Variants in ANK3 observed in about 807,000 individuals in gnomAD.
ANK3 encodes the protein ankyrin 3, also known as ankyrin-3.
ANK3 carries 57 observed loss-of-function variants against 370.9 expected under a neutral mutation model. The ratio of observed to expected loss-of-function variants is 0.15; its 90% confidence interval spans 0.12 to 0.19. The LOEUF is 0.19. Ranked by LOEUF, ANK3 falls within the 10% of genes least tolerant of loss-of-function variation. ANK3 has a pLI of 1.00. For missense variants in ANK3, 4,439 were observed against 5,302.1 expected, an observed-to-expected ratio of 0.84 and a Z score of 5.06; for synonymous variants, 1,929 against 1,946.3, an observed-to-expected ratio of 0.99 and a Z score of 0.23.
intron 8 of ANK3, among the ~76,000 whole-genome samples, chr10:60,222,422 TAA>T (rs34886163): frequency 4.1e-5 from 6 of 144,798 alleles, no homozygotes; most frequent in Admixed American, 2.1e-4. Context: ...TTAATTCAGT[TAA>T]AAAAAAAAAA....
At chr10:60,301,391 TACAC>T (rs1224662040) in intron 1 of ANK3, among the ~76,000 whole-genome samples, 1 of 143,276 alleles carries the variant, frequency 7.0e-6, no homozygotes, top group South Asian at 2.2e-4. Context: ...CATACATACA[TACAC>T]ACACACACAC....
intron 2 of ANK3, among the ~76,000 whole-genome samples, chr10:60,603,753 G>A (rs1368338298): frequency 6.6e-6 from 1 of 152,056 alleles, no homozygotes; most frequent in Non-Finnish European, 1.5e-5. Flanking sequence ...CTGGTATCAA[G>A]TTAATTGATA....
chr10:60,213,632 C>T (rs1023930168), intron 8 of ANK3, 122 bp from the exon 9 acceptor site: 47 of 480,936 alleles, frequency 9.8e-5, no homozygotes, highest in African/African-American at 8.0e-5. Context: ...CAAACATTTG[C>T]TCATTTATTT....
At chr10:60,720,401 A>G (rs1436204269) in intron 1 of ANK3, among the ~76,000 whole-genome samples, 1 of 152,208 alleles carries the variant, frequency 6.6e-6, no homozygotes, top group Non-Finnish European at 1.5e-5. Context: ...GAAATCTACT[A>G]TACTATGTTA....
chr10:60,173,006 A>C lies in ANK3; in HGVS notation c.2284-8T>G, dbSNP rs745876231. On this transcript the variant is annotated splice_region_variant and splice_polypyrimidine_tract_variant and intron_variant, in intron 19 of 43. Transcript: ENST00000280772. Reference sequence around the variant, plus strand: ...TAATGGCGTATACCCATTCTGTAGAAGGAAGATGGAAGAGATGATTCTTAA... The same window carrying C: ...TAATGGCGTATACCCATTCTGTAGACGGAAGATGGAAGAGATGATTCTTAA... 1 of 1,610,598 alleles carries C rather than the reference A, an allele frequency of 6.2e-7. No individual in the cohort carries two copies. The highest frequency in any genetic ancestry group is 2.2e-5 in the East Asian group (1 of 44,822).
At chr10:60,601,223 C>T (rs1567173685) in intron 2 of ANK3, among the ~76,000 whole-genome samples, 1 of 151,646 alleles carries the variant, frequency 6.6e-6, no homozygotes, top group East Asian at 1.9e-4. Context: ...CCAACATCCC[C>T]CTCTCAAGGA....
At chr10:60,273,891 C>T (rs1314504092) in intron 4 of ANK3, among the ~76,000 whole-genome samples, 1 of 152,308 alleles carries the variant, frequency 6.6e-6, no homozygotes, top group South Asian at 2.1e-4. Flanking sequence ...GATTGTGAGG[C>T]CTTCTCAGCC....
At chr10:60,362,643 A>G (rs2058785125) in intron 1 of ANK3, among the ~76,000 whole-genome samples, 1 of 152,180 alleles carries the variant, frequency 6.6e-6, no homozygotes, top group Admixed American at 6.5e-5. Context: ...AGGGACAAGG[A>G]TGGAATGTCA....
chr10:60,657,719 T>C (rs2078883490), intron 1 of ANK3, among the ~76,000 whole-genome samples: 1 of 152,134 alleles, frequency 6.6e-6, no homozygotes, highest in African/African-American at 2.4e-5. Flanking sequence ...GGTGTAAATA[T>C]CAATTATATT....
intron 2 of ANK3, among the ~76,000 whole-genome samples, chr10:60,395,589 T>A (rs192698447): frequency 2.1e-4 from 27 of 126,178 alleles, no homozygotes; most frequent in African/African-American, 7.5e-4. Flanking sequence ...TCTTTCTTTC[T>A]TTCTTTCTTT....
At chr10:60,496,911 A>G (rs1232283248) in intron 2 of ANK3, among the ~76,000 whole-genome samples, 2 of 152,184 alleles carry the variant, frequency 1.3e-5, no homozygotes, top group Non-Finnish European at 2.9e-5. Context: ...CCAAAATTAT[A>G]CAGACTACCA....
intron 1 of ANK3, among the ~76,000 whole-genome samples, chr10:60,376,476 G>T (rs1431007186): frequency 6.6e-6 from 1 of 152,162 alleles, no homozygotes; most frequent in Non-Finnish European, 1.5e-5. Flanking sequence ...TTATCCTACA[G>T]AAAATCCACT....
At chr10:60,501,133 C>T (rs1002085352) in intron 2 of ANK3, among the ~76,000 whole-genome samples, 1 of 152,216 alleles carries the variant, frequency 6.6e-6, no homozygotes, top group African/African-American at 2.4e-5. Context: ...TCTCTGCAAG[C>T]CCAAATCAAC....
chr10:60,102,255 T>G (rs1477206586), intron 28 of ANK3, among the ~76,000 whole-genome samples: 1 of 151,168 alleles, frequency 6.6e-6, no homozygotes, highest in Non-Finnish European at 1.5e-5. Context: ...GCTTGACAAG[T>G]GAAAAGGGCA....
chr10:60,509,194 T>A (rs1401796830), intron 2 of ANK3, among the ~76,000 whole-genome samples: 1 of 150,462 alleles, frequency 6.6e-6, no homozygotes, highest in Non-Finnish European at 1.5e-5. Context: ...ACATTCCTCT[T>A]GTCTTGAGAC....
chr10:60,524,310 G>A (rs927933963), intron 2 of ANK3, among the ~76,000 whole-genome samples: 2 of 152,096 alleles, frequency 1.3e-5, no homozygotes, highest in African/African-American at 4.8e-5. Flanking sequence ...TGGCTATGAA[G>A]AGAGTAATCC....
chr10:60,063,445 A>C (rs12217668), intron 39 of ANK3, among the ~76,000 whole-genome samples, 191 bp from the exon 40 acceptor site: 2,701 of 152,266 alleles, frequency 0.018, 84 homozygotes, highest in East Asian at 0.11. Context: ...AGTCTTAATC[A>C]TCACTTTGTA....
rs7099051 is a variant in ANK3 at position 60,092,005 on chromosome 10, G to A, written c.3329-3647C>T. On this transcript the variant is annotated intron_variant, in intron 28 of 43. Coordinates refer to ENST00000280772, the MANE Select transcript of ANK3 (RefSeq NM_020987.5). ...CAGCCTCCCAAAGTGCTGGGATTAC[G>A]GGCGTGAGCCACCGCGCCAGGCTAC... is the stretch of plus-strand genomic sequence containing the variant. 8.3e-3 allele frequency among the ~76,000 whole-genome samples: 1,265 copies of A among 152,104 alleles called. 19 individuals are homozygous for A. Among genetic ancestry groups the A allele is most frequent in the African/African-American group, 0.029 (1,204 of 41,508 alleles).
At chr10:60,037,573 A>G (rs2075304436) in intron 43 of ANK3, among the ~76,000 whole-genome samples, 1 of 152,152 alleles carries the variant, frequency 6.6e-6, no homozygotes, top group Non-Finnish European at 1.5e-5. Context: ...TTAGTTTGCT[A>G]AGGATAATGG....
Sources: gnomAD v4.1 joint callset for allele counts (sites outside exome capture counted in the v4.1 genomes callset) on GRCh38, gnomAD v4.1.1 for gene constraint, MANE v1.5 for transcripts, NCBI Gene and HGNC (gene_info 2026-07-23, HGNC 2026-07-21) for gene names.